The following ASTN2 variants were observed in gnomAD, a reference collection of about 807,000 sequenced individuals.
The protein encoded by ASTN2 is astrotactin-2.
A neutral mutation model predicts 139.8 loss-of-function variants in ASTN2; 54 were observed. The observed-to-expected ratio is 0.39, with a 90% CI of 0.31 to 0.48. The LOEUF is 0.48. ASTN2 is among the 20% of genes least tolerant of loss of function. The probability of loss-of-function intolerance (pLI) is 0.95; values close to 1 mark genes in which losing one functional copy is unlikely to be tolerated. For missense variants in ASTN2, 1,565 were observed against 1,725.1 expected (o/e 0.91, Z 1.64); for synonymous variants, 756 against 719.5 (o/e 1.05, Z -0.81).
At chr9:116,871,968 A>T (rs923476557) in intron 10 of ASTN2, among the ~76,000 whole-genome samples, 1 of 152,044 alleles carries the variant, frequency 6.6e-6, no homozygotes, top group Non-Finnish European at 1.5e-5. Context: ...GACCTTGGGC[A>T]AGCCTCTTCT....
chr9:116,957,023 T>G (rs1835726665), intron 10 of ASTN2, among the ~76,000 whole-genome samples: 1 of 151,640 alleles, frequency 6.6e-6, no homozygotes, highest in South Asian at 2.1e-4. Context: ...ACTGATTCAA[T>G]GCAGTCCCTA....
chr9:116,503,054 G>C (rs550098583), intron 19 of ASTN2, among the ~76,000 whole-genome samples: 1 of 147,130 alleles, frequency 6.8e-6, no homozygotes, highest in Non-Finnish European at 1.5e-5. Context: ...AGAAGGGAAG[G>C]AAGAAAGGAA....
intron 5 of ASTN2, among the ~76,000 whole-genome samples, chr9:117,068,875 T>C (rs1828027516): frequency 8.2e-6 from 1 of 121,578 alleles, no homozygotes; most frequent in Non-Finnish European, 1.7e-5. Context: ...CATTTCTTAT[T>C]GTGTCTATTT....
rs146521930 is a variant in ASTN2 at position 116,990,416 on chromosome 9, A to G, written c.1592-13631T>C. Among the ~76,000 whole-genome samples the G allele has an allele frequency of 5.7e-3, 843 of 148,220 alleles. 9 individuals carry two copies. Among genetic ancestry groups the G allele is most frequent in the African/African-American group, 0.02 (813 of 41,126 alleles). ...CGAGTAGCTGGGACTACAGGCATGC[A>G]CCACCATGCTCGGCTAGTTTTCTAT... On this transcript the variant is annotated intron_variant, in intron 7 of 22. Transcript: ENST00000313400.
chr9:117,113,097 C>G (rs62562236), intron 4 of ASTN2, among the ~76,000 whole-genome samples: 24,244 of 152,146 alleles, frequency 0.16, 2,371 homozygotes, highest in Middle Eastern at 0.3. Context: ...CCAGTCTTGA[C>G]AAGGTTTTGA....
chr9:116,691,918 C>T (rs963172984), intron 16 of ASTN2, among the ~76,000 whole-genome samples: 7 of 152,068 alleles, frequency 4.6e-5, no homozygotes, highest in South Asian at 2.1e-4. Flanking sequence ...ACCAGGGGAG[C>T]GTGTCAATAG....
intron 3 of ASTN2, among the ~76,000 whole-genome samples, chr9:117,193,434 T>C (rs140509063): frequency 0.013 from 1,916 of 151,826 alleles, 32 homozygotes; most frequent in East Asian, 0.081. Flanking sequence ...GGTGAGGAGA[T>C]CGAGACCATC....
intron 1 of ASTN2, among the ~76,000 whole-genome samples, chr9:117,329,132 T>C (rs1377683496): frequency 6.6e-6 from 1 of 151,266 alleles, no homozygotes; most frequent in African/African-American, 2.4e-5. Context: ...GAAGCAGCTG[T>C]TGCACCTTCT....
At chr9:116,658,800 A>C (rs1858387393) in intron 16 of ASTN2, among the ~76,000 whole-genome samples, 1 of 149,344 alleles carries the variant, frequency 6.7e-6, no homozygotes, top group East Asian at 2.0e-4. Flanking sequence ...TGCAAAGTAA[A>C]GAAAGAGCAT....
intron 1 of ASTN2, among the ~76,000 whole-genome samples, chr9:117,316,712 G>C (rs1828154389): frequency 6.6e-6 from 1 of 152,120 alleles, no homozygotes; most frequent in South Asian, 2.1e-4. Flanking sequence ...CACAATGCTG[G>C]GCCTCCCCAT....
chr9:117,088,893 A>G (rs1828634188), intron 5 of ASTN2, among the ~76,000 whole-genome samples: 1 of 152,172 alleles, frequency 6.6e-6, no homozygotes, highest in African/African-American at 2.4e-5. Flanking sequence ...CACTGCTGAA[A>G]TGATCCAGCA....
chr9:117,314,375 G>A (rs552040330), intron 1 of ASTN2, among the ~76,000 whole-genome samples: 179 of 152,094 alleles, frequency 1.2e-3, no homozygotes, highest in African/African-American at 4.1e-3. Context: ...AAACCTGGAG[G>A]AACACTTCCG....
At chr9:117,143,182 T>G (rs1376146343) in intron 3 of ASTN2, among the ~76,000 whole-genome samples, 1 of 152,176 alleles carries the variant, frequency 6.6e-6, no homozygotes, top group African/African-American at 2.4e-5. Context: ...CAATTGACAA[T>G]ACAAATGAAT....
chr9:116,976,288 CT>C, intron 8 of ASTN2, 100 bp from the exon 9 acceptor site: 1 of 916,350 alleles, frequency 1.1e-6, no homozygotes, highest in Non-Finnish European at 1.8e-6. Flanking sequence ...AACAACCAAA[CT>C]CTGCAGAAAT....
chr9:117,393,136 C>T (rs568121551), intron 1 of ASTN2, among the ~76,000 whole-genome samples: 1 of 152,336 alleles, frequency 6.6e-6, no homozygotes, highest in Non-Finnish European at 1.5e-5. Flanking sequence ...AAGAATCTCA[C>T]TTCTACTCTC....
At chr9:116,750,141 A>G (rs1390406033) in intron 13 of ASTN2, among the ~76,000 whole-genome samples, 1 of 152,252 alleles carries the variant, frequency 6.6e-6, no homozygotes, top group Non-Finnish European at 1.5e-5. Flanking sequence ...ATGAGCCTTC[A>G]GTAGACTGGA....
intron 22 of ASTN2, among the ~76,000 whole-genome samples, chr9:116,429,971 G>A (rs890055313): frequency 6.6e-6 from 1 of 152,118 alleles, no homozygotes; most frequent in Non-Finnish European, 1.5e-5. Flanking sequence ...AAGTCAGACC[G>A]GAGAGAACAT....
At chr9:117,259,717 C>T (rs1370013126) in intron 2 of ASTN2, among the ~76,000 whole-genome samples, 1 of 152,146 alleles carries the variant, frequency 6.6e-6, no homozygotes. Context: ...GTACATCTTA[C>T]ATGTATTGAT....
At chr9:116,603,743 T>C (rs1855035176) in intron 19 of ASTN2, among the ~76,000 whole-genome samples, 1 of 152,218 alleles carries the variant, frequency 6.6e-6, no homozygotes, top group African/African-American at 2.4e-5. Context: ...AATTCTTGCC[T>C]GGCCTGGAAG....
Sources: gnomAD v4.1 joint callset for allele counts (sites outside exome capture counted in the v4.1 genomes callset) on GRCh38, gnomAD v4.1.1 for gene constraint, MANE v1.5 for transcripts, NCBI Gene and HGNC (gene_info 2026-07-23, HGNC 2026-07-21) for gene names.